Variants in AATF observed in about 807,000 individuals in gnomAD.
AATF encodes the protein apoptosis antagonizing transcription factor.
In AATF, 48 loss-of-function variants were observed where a neutral mutation model predicts 63.7. The observed-to-expected ratio is 0.75, with a 90% CI of 0.60 to 0.96. AATF has a LOEUF of 0.96. Among genes scored for constraint, AATF ranks in the 40% least tolerant of loss-of-function variants. AATF has a pLI of 0.00. For missense variants in AATF, 639 were observed against 685.7 expected (o/e 0.93, Z 0.76); for synonymous variants, 258 against 247.7 (o/e 1.04, Z -0.39).
intron 11 of AATF, among the ~76,000 whole-genome samples, chr17:37,042,740 T>C (rs897623129): frequency 1.3e-5 from 2 of 149,072 alleles, no homozygotes; most frequent in African/African-American, 4.9e-5. Context: ...TTTCTTTCTT[T>C]TTTTTTTTTT....
At chr17:36,951,686 C>G (rs2070856524) in intron 2 of AATF, among the ~76,000 whole-genome samples, 1 of 152,184 alleles carries the variant, frequency 6.6e-6, no homozygotes, top group East Asian at 1.9e-4. Context: ...GATGTACACT[C>G]TAGTAAACTC....
At chr17:36,978,959 G>A (rs1230721493) in intron 4 of AATF, among the ~76,000 whole-genome samples, 1 of 151,948 alleles carries the variant, frequency 6.6e-6, no homozygotes, top group African/African-American at 2.4e-5. Context: ...TCTCTGCCTT[G>A]CTTTAATAAT....
intron 8 of AATF, among the ~76,000 whole-genome samples, chr17:36,991,677 C>T (rs868801557): frequency 3.3e-5 from 5 of 151,120 alleles, no homozygotes; most frequent in Non-Finnish European, 5.9e-5. Context: ...GCTCTGCCTT[C>T]TGGGTTCACG....
intron 4 of AATF, among the ~76,000 whole-genome samples, chr17:36,956,024 C>CA (rs1262261697): frequency 6.6e-6 from 1 of 152,180 alleles, no homozygotes; most frequent in Non-Finnish European, 1.5e-5. Flanking sequence ...TCAGCCTCCC[C>CA]AAAATGCTGG....
chr17:36,975,844 T>G lies in AATF; in HGVS notation c.833-10773T>G, dbSNP rs188426430. Among the ~76,000 whole-genome samples the G allele has an allele frequency of 9.2e-5, 14 of 152,346 alleles. No individual in the cohort carries two copies. In the East Asian group the frequency reaches 2.5e-3, roughly 27 times the overall value. On this transcript the variant is annotated intron_variant, in intron 4 of 11. Transcript: ENST00000619387. ...AAGCATTATCAGAAAAATATCCCACTGTTTTAAGTTTTTCTTTAAAAAATT... is the reference window on the plus strand; with the variant it reads ...AAGCATTATCAGAAAAATATCCCACGGTTTTAAGTTTTTCTTTAAAAAATT...
Position 37,056,826 on chromosome 17 carries a change from C to A in AATF, c.*162C>A. The stretch of plus-strand genomic sequence containing the variant: ...ATACACGCAAGGGCGCTGTCCCGCC[C>A]AACCCCGCCTTTAAACGCCACAAAT... On this transcript the variant is annotated 3_prime_UTR_variant, in exon 12 of 12. Transcript: ENST00000619387. 1 of 676,346 alleles carries A rather than the reference C, an allele frequency of 1.5e-6. No homozygotes were observed. Among genetic ancestry groups the A allele is most frequent in the South Asian group, 1.9e-5 (1 of 51,614 alleles). The allele number at this position is 676,346 out of a possible 1,614,324, so 41.9% of individuals were successfully genotyped here.
chr17:37,006,761 T>G (rs1440445677), intron 8 of AATF, among the ~76,000 whole-genome samples: 1 of 152,252 alleles, frequency 6.6e-6, no homozygotes, highest in Non-Finnish European at 1.5e-5. Flanking sequence ...TAGTGAAATA[T>G]TATGGCCTTT....
chr17:37,048,003 A>G (rs898145067), intron 11 of AATF, among the ~76,000 whole-genome samples: 2 of 152,210 alleles, frequency 1.3e-5, no homozygotes, highest in Admixed American at 1.3e-4. Flanking sequence ...CCTGTTAAGA[A>G]ATAAGTCTTA....
chr17:37,031,445 G>A (rs1227699016), intron 10 of AATF, 169 bp from the exon 11 acceptor site: 1 of 636,416 alleles, frequency 1.6e-6, no homozygotes, highest in Admixed American at 2.4e-5. Context: ...GATGACTGTA[G>A]TTGGTCATCC....
intron 11 of AATF, among the ~76,000 whole-genome samples, chr17:37,049,818 T>C (rs868286427): frequency 1.3e-5 from 2 of 152,020 alleles, no homozygotes; most frequent in Non-Finnish European, 2.9e-5. Context: ...CCGCAGACAT[T>C]TGGGAGGCCC....
intron 4 of AATF, among the ~76,000 whole-genome samples, chr17:36,956,354 CCT>C (rs1240106827): frequency 2.0e-5 from 3 of 152,146 alleles, no homozygotes; most frequent in African/African-American, 4.8e-5. Context: ...TGTATACTCC[CCT>C]GTCTTGATAA....
In AATF at chr17:36,949,026, G is replaced by T; in HGVS notation, c.-100G>T. ...CGGTCTCTGGCGGAGTCGGGGAATC[G>T]GATCAAGGCGAGAGGATCCGGCAGG... On this transcript the variant is annotated 5_prime_UTR_variant, in exon 1 of 12. Coordinates refer to ENST00000619387, the MANE Select transcript of AATF (RefSeq NM_012138.4). The T allele has an allele frequency of 8.8e-7, 1 of 1,134,750 alleles. No homozygotes were observed. Among genetic ancestry groups the T allele is most frequent in the South Asian group, 1.5e-5 (1 of 68,466 alleles). 70.3% of individuals were successfully genotyped at this position (1,134,750 alleles called of 1,614,324 possible). A position where few individuals can be genotyped will look rare whatever the true frequency, so the allele number is the denominator to read the frequency against.
intron 4 of AATF, among the ~76,000 whole-genome samples, chr17:36,976,287 A>G (rs1231260649): frequency 1.3e-5 from 2 of 152,220 alleles, no homozygotes; most frequent in Admixed American, 6.5e-5. Context: ...CTGTATCTGT[A>G]AAATGGTGAT....
At chr17:37,005,493 G>C (rs1597722241) in intron 8 of AATF, among the ~76,000 whole-genome samples, 2 of 152,136 alleles carry the variant, frequency 1.3e-5, no homozygotes, top group Non-Finnish European at 2.9e-5. Flanking sequence ...ATTTCAGCTG[G>C]GCTTTTGGTT....
At chr17:36,991,585 T>C (rs1352839573) in intron 8 of AATF, among the ~76,000 whole-genome samples, 7 of 144,012 alleles carry the variant, frequency 4.9e-5, no homozygotes, top group Admixed American at 2.7e-4. Context: ...TGATAAGTTA[T>C]ACTTTTTTTT....
chr17:37,041,409 C>G (rs1002519357), intron 11 of AATF, among the ~76,000 whole-genome samples: 1 of 152,182 alleles, frequency 6.6e-6, no homozygotes, highest in African/African-American at 2.4e-5. Flanking sequence ...TCTAAACTTT[C>G]TAATGACTCT....
chr17:37,041,637 A>G (rs898920450), intron 11 of AATF, among the ~76,000 whole-genome samples: 6 of 151,826 alleles, frequency 4.0e-5, no homozygotes, highest in African/African-American at 1.5e-4. Flanking sequence ...TCCCAAGTAG[A>G]TGGGACTACA....
At chr17:36,981,702 C>CTTTTTTT (rs71368433) in intron 4 of AATF, among the ~76,000 whole-genome samples, 57 of 110,456 alleles carry the variant, frequency 5.2e-4, no homozygotes, top group African/African-American at 1.9e-3. Context: ...TCTTTCTTTT[C>CTTTTTTT]TTTTTTTTTT....
intron 4 of AATF, among the ~76,000 whole-genome samples, chr17:36,982,240 T>G (rs984107903): frequency 6.6e-5 from 10 of 151,580 alleles, no homozygotes; most frequent in African/African-American, 2.2e-4. Flanking sequence ...TTTGTTTTTT[T>G]TTTTTTTTTG....
Sources: gnomAD v4.1 joint callset for allele counts (sites outside exome capture counted in the v4.1 genomes callset) on GRCh38, gnomAD v4.1.1 for gene constraint, MANE v1.5 for transcripts, NCBI Gene and HGNC (gene_info 2026-07-23, HGNC 2026-07-21) for gene names.